DLGAP2: variants seen among roughly 807,000 people sequenced by gnomAD.
DLGAP2 encodes DLG associated protein 2, also known as disks large-associated protein 2.
A neutral mutation model predicts 100.3 loss-of-function variants in DLGAP2; 26 were observed. That is an observed-to-expected ratio of 0.26 (90% CI 0.19 to 0.36). The LOEUF is 0.36. Ranked by LOEUF, DLGAP2 falls within the 10% of genes least tolerant of loss-of-function variation. The pLI, the probability that DLGAP2 is intolerant of heterozygous loss-of-function variation, is 1.00. For missense variants in DLGAP2, 1,858 were observed against 1,453.2 expected, an observed-to-expected ratio of 1.28 and a Z score of -4.53; for synonymous variants, 886 against 630.1, an observed-to-expected ratio of 1.41 and a Z score of -6.08.
intron 6 of DLGAP2, among the ~76,000 whole-genome samples, chr8:1,568,612 T>C (rs78950038): frequency 5.6e-5 from 7 of 125,716 alleles, no homozygotes; most frequent in African/African-American, 9.4e-5. Flanking sequence ...CATGCCACTG[T>C]TCACTCAGCA....
At chr8:1,144,771 G>A (rs573284694) in intron 2 of DLGAP2, among the ~76,000 whole-genome samples, 29 of 152,304 alleles carry the variant, frequency 1.9e-4, no homozygotes, top group African/African-American at 6.7e-4. Flanking sequence ...AACCGCAGAC[G>A]GCCTGTACCC....
At chr8:1,444,964 G>A (rs375509893) in intron 3 of DLGAP2, among the ~76,000 whole-genome samples, 1 of 151,114 alleles carries the variant, frequency 6.6e-6, no homozygotes, top group African/African-American at 2.4e-5. Context: ...TAGAGACAGG[G>A]TTTCACCGTG....
At chr8:1,428,796 G>C (rs1327479881) in intron 3 of DLGAP2, among the ~76,000 whole-genome samples, 1 of 152,188 alleles carries the variant, frequency 6.6e-6, no homozygotes, top group African/African-American at 2.4e-5. Flanking sequence ...TGCATGTGCT[G>C]CACACCCACA....
chr8:947,830 G>T (rs1248664631), intron 2 of DLGAP2, among the ~76,000 whole-genome samples: 1 of 148,716 alleles, frequency 6.7e-6, no homozygotes, highest in Non-Finnish European at 1.5e-5. Flanking sequence ...GTGTGCCATG[G>T]CTCCCGACCC....
chr8:1,683,109 G>C lies in DLGAP2; in HGVS notation c.2704+4480G>C, dbSNP rs1462084756. On this transcript the variant is annotated intron_variant, in intron 12 of 14. Transcript: ENST00000637795. ...AGGACCTAACTGATTACCTAACAGT[G>C]GGAGAAGACCAGGTACAGGAAGTGG... Among the ~76,000 whole-genome samples, 2 of 151,512 alleles carry C rather than the reference G, an allele frequency of 1.3e-5. 1 individual carries two copies. The highest frequency in any genetic ancestry group is 3.0e-5 in the Non-Finnish European group (2 of 67,722).
intron 10 of DLGAP2, among the ~76,000 whole-genome samples, chr8:1,670,485 C>G (rs1438041996): frequency 6.6e-6 from 1 of 152,244 alleles, no homozygotes; most frequent in East Asian, 1.9e-4. Context: ...GGACCCCAGC[C>G]CCACACACTG....
chr8:1,576,195 GA>G (rs1174644287), intron 6 of DLGAP2, among the ~76,000 whole-genome samples: 2 of 152,192 alleles, frequency 1.3e-5, no homozygotes, highest in Non-Finnish European at 2.9e-5. Context: ...TTGTGGTTTT[GA>G]TTTGCATTTC....
chr8:1,337,050 A>G (rs1801290705), intron 3 of DLGAP2, among the ~76,000 whole-genome samples: 1 of 152,234 alleles, frequency 6.6e-6, no homozygotes, highest in East Asian at 1.9e-4. Context: ...CATAGTAACC[A>G]GTAATGACAG....
chr8:1,327,111 G>A (rs910236661), intron 3 of DLGAP2, among the ~76,000 whole-genome samples: 1 of 152,250 alleles, frequency 6.6e-6, no homozygotes, highest in East Asian at 1.9e-4. Flanking sequence ...TCTCCTGAGA[G>A]CGGAGCCTGC....
intron 1 of DLGAP2, among the ~76,000 whole-genome samples, chr8:847,233 C>G (rs759476405): frequency 1.1e-4 from 17 of 152,090 alleles, no homozygotes; most frequent in Non-Finnish European, 1.9e-4. Context: ...CTGAACTTTT[C>G]CATATTATCT....
chr8:1,072,794 A>G (rs957963777), intron 2 of DLGAP2, among the ~76,000 whole-genome samples: 2 of 152,184 alleles, frequency 1.3e-5, no homozygotes, highest in African/African-American at 4.8e-5. Context: ...AGCGTTTGTT[A>G]GGCACGTACC....
intron 3 of DLGAP2, among the ~76,000 whole-genome samples, chr8:1,408,040 C>T (rs1796621631): frequency 6.6e-6 from 1 of 152,222 alleles, no homozygotes; most frequent in African/African-American, 2.4e-5. Context: ...TCAGGACAAC[C>T]AAAAATGCCT....
At chr8:1,056,641 T>C (rs1251688256) in intron 2 of DLGAP2, among the ~76,000 whole-genome samples, 1 of 152,240 alleles carries the variant, frequency 6.6e-6, no homozygotes, top group Non-Finnish European at 1.5e-5. Flanking sequence ...TGCCAAAATG[T>C]GGATTTATAC....
intron 3 of DLGAP2, among the ~76,000 whole-genome samples, chr8:1,345,122 C>T (rs1028657620): frequency 8.5e-5 from 13 of 152,224 alleles, no homozygotes; most frequent in Admixed American, 5.9e-4. Context: ...ATATAAATGA[C>T]ATAATTCGGT....
At chr8:1,631,254 T>C (rs1178357003) in intron 7 of DLGAP2, among the ~76,000 whole-genome samples, 1 of 152,026 alleles carries the variant, frequency 6.6e-6, no homozygotes, top group African/African-American at 2.4e-5. Flanking sequence ...GAAATGCACA[T>C]ACCAGGTTAA....
At chr8:1,169,867 C>T (rs1318137366) in intron 2 of DLGAP2, among the ~76,000 whole-genome samples, 2 of 151,774 alleles carry the variant, frequency 1.3e-5, no homozygotes, top group Non-Finnish European at 2.9e-5. Flanking sequence ...AATTGAATAA[C>T]CTTTATTTCC....
At chr8:1,617,583 T>A (rs1206564765) in intron 6 of DLGAP2, among the ~76,000 whole-genome samples, 2 of 152,244 alleles carry the variant, frequency 1.3e-5, no homozygotes, top group Non-Finnish European at 2.9e-5. Context: ...TGCAAATTTG[T>A]TTAAGTTCCT....
chr8:1,515,374 A>ACATGCACATACATGAACACACAGG (rs1800332375), intron 4 of DLGAP2, among the ~76,000 whole-genome samples: 1 of 152,228 alleles, frequency 6.6e-6, no homozygotes, highest in Admixed American at 6.5e-5. Flanking sequence ...GTCAGCATAC[A>ACATGCACATACATGAACACACAGG]CATGCACATA....
chr8:745,475 AT>A lies in DLGAP2; in HGVS notation c.18+7653del, dbSNP rs576142658. On this transcript the variant is annotated intron_variant, in intron 1 of 14. Coordinates refer to ENST00000637795, the MANE Select transcript of DLGAP2 (RefSeq NM_001346810.2). ...ACCAAACAGTATTTCTCAGTCTTCAATTTATCCAGCTACTTGCTTCTCTAAT... is the reference window on the plus strand; with the variant it reads ...ACCAAACAGTATTTCTCAGTCTTCAATTATCCAGCTACTTGCTTCTCTAAT... 2.6e-4 allele frequency among the ~76,000 whole-genome samples: 39 copies of A among 152,354 alleles called. 1 individual carries two copies. The highest frequency in any genetic ancestry group is 1.9e-3 in the Admixed American group (29 of 15,298).
Sources: gnomAD v4.1 joint callset for allele counts (sites outside exome capture counted in the v4.1 genomes callset) on GRCh38, gnomAD v4.1.1 for gene constraint, MANE v1.5 for transcripts, NCBI Gene and HGNC (gene_info 2026-07-23, HGNC 2026-07-21) for gene names.